The following AGBL4 variants were observed in gnomAD, a reference collection of about 807,000 sequenced individuals.
The protein encoded by AGBL4 is AGBL carboxypeptidase 4, also known as cytosolic carboxypeptidase 6.
In AGBL4, 58 loss-of-function variants were observed where a neutral mutation model predicts 66.4. The observed-to-expected ratio is 0.87, with a 90% CI of 0.71 to 1.09. AGBL4 has a LOEUF of 1.09. AGBL4 is among the 50% of genes least tolerant of loss of function. The probability of loss-of-function intolerance (pLI) is 0.00; values close to 1 mark genes in which losing one functional copy is unlikely to be tolerated. For synonymous variants in AGBL4, 234 were observed against 222.9 expected (o/e 1.05, Z -0.44); for missense variants, 579 against 631.0 (o/e 0.92, Z 0.88).
At chr1:49,125,815 C>G (rs1267013549) in intron 4 of AGBL4, among the ~76,000 whole-genome samples, 6 of 152,170 alleles carry the variant, frequency 3.9e-5, no homozygotes, top group Non-Finnish European at 8.8e-5. Flanking sequence ...CCAAATCTTT[C>G]TTCCAAGTTC....
intron 4 of AGBL4, among the ~76,000 whole-genome samples, chr1:49,057,143 G>A (rs895689929): frequency 1.3e-5 from 2 of 152,148 alleles, no homozygotes; most frequent in Admixed American, 1.3e-4. Context: ...GCTCATGCTT[G>A]TAAATCCAGC....
intron 6 of AGBL4, among the ~76,000 whole-genome samples, chr1:48,704,438 A>G (rs965940802): frequency 6.6e-6 from 1 of 152,172 alleles, no homozygotes; most frequent in Non-Finnish European, 1.5e-5. Context: ...TAAACTTTTA[A>G]TTTTTTTAAC....
chr1:49,168,914 G>A (rs1281012287), intron 4 of AGBL4, among the ~76,000 whole-genome samples: 1 of 152,168 alleles, frequency 6.6e-6, no homozygotes, highest in Non-Finnish European at 1.5e-5. Flanking sequence ...GGACCAGGTG[G>A]CACAACCTAA....
intron 3 of AGBL4, among the ~76,000 whole-genome samples, chr1:49,429,151 C>T (rs937234674): frequency 6.6e-6 from 1 of 152,098 alleles, no homozygotes; most frequent in Non-Finnish European, 1.5e-5. Context: ...TAGAAGAGAC[C>T]AAACTGTTCC....
intron 4 of AGBL4, among the ~76,000 whole-genome samples, chr1:49,068,877 T>C (rs531694761): frequency 2.2e-4 from 33 of 152,266 alleles, no homozygotes; most frequent in Middle Eastern, 6.8e-3. Context: ...TTTCTCTACA[T>C]CCTCTCCAGC....
intron 3 of AGBL4, among the ~76,000 whole-genome samples, chr1:49,336,798 G>C (rs1175976796): frequency 6.6e-6 from 1 of 152,070 alleles, no homozygotes; most frequent in Non-Finnish European, 1.5e-5. Flanking sequence ...TGTCTTATTT[G>C]AAAGTGTTTA....
At chr1:49,341,975 T>C (rs1645548464) in intron 3 of AGBL4, among the ~76,000 whole-genome samples, 1 of 152,156 alleles carries the variant, frequency 6.6e-6, no homozygotes, top group Admixed American at 6.5e-5. Context: ...GGGGGACAGA[T>C]TGAAATGGCT....
chr1:49,193,763 G>C (rs1456433639), intron 4 of AGBL4, among the ~76,000 whole-genome samples: 1 of 152,002 alleles, frequency 6.6e-6, no homozygotes, highest in Non-Finnish European at 1.5e-5. Flanking sequence ...TCAATCTCCT[G>C]ACCTCGTGAT....
chr1:49,791,086 G>C (rs576604901), intron 2 of AGBL4, among the ~76,000 whole-genome samples: 2 of 152,136 alleles, frequency 1.3e-5, no homozygotes, highest in Non-Finnish European at 2.9e-5. Flanking sequence ...GAAGTATCAA[G>C]TGTGAAATAG....
intron 3 of AGBL4, among the ~76,000 whole-genome samples, chr1:49,580,972 T>C (rs1208716425): frequency 6.6e-6 from 1 of 152,204 alleles, no homozygotes; most frequent in Non-Finnish European, 1.5e-5. Flanking sequence ...TTTTTGATTC[T>C]TCCCTATCCA....
intron 3 of AGBL4, among the ~76,000 whole-genome samples, chr1:49,357,013 T>C (rs925445593): frequency 6.6e-6 from 1 of 152,206 alleles, no homozygotes; most frequent in African/African-American, 2.4e-5. Context: ...GTAGAGACTT[T>C]CCCTGAGTAG....
At chr1:49,516,637 G>C (rs1300759577) in intron 3 of AGBL4, among the ~76,000 whole-genome samples, 5 of 152,020 alleles carry the variant, frequency 3.3e-5, no homozygotes, top group South Asian at 4.1e-4. Flanking sequence ...TTGCCATTAA[G>C]AGAAATAAAC....
At chr1:48,915,534 A>G (rs1036012186) in intron 5 of AGBL4, among the ~76,000 whole-genome samples, 3 of 152,174 alleles carry the variant, frequency 2.0e-5, no homozygotes, top group African/African-American at 4.8e-5. Context: ...GATATCACCA[A>G]TATGTGGCAT....
At chr1:48,586,882 T>C (rs762761212) in intron 11 of AGBL4, 122 bp downstream of exon 11, 14 of 1,310,062 alleles carry the variant, frequency 1.1e-5, no homozygotes, top group Non-Finnish European at 1.4e-5. Context: ...AAGAAGCACC[T>C]CCATCCTCAC....
At chr1:49,575,984 C>T (rs186125073) in intron 3 of AGBL4, among the ~76,000 whole-genome samples, 1 of 152,286 alleles carries the variant, frequency 6.6e-6, no homozygotes, top group Admixed American at 6.5e-5. Flanking sequence ...ACACACTGGA[C>T]TTATTGGTGA....
intron 3 of AGBL4, among the ~76,000 whole-genome samples, chr1:49,533,136 A>G (rs1024115213): frequency 6.6e-6 from 1 of 152,098 alleles, no homozygotes; most frequent in African/African-American, 2.4e-5. Flanking sequence ...TATTCCACCC[A>G]GTGCTTCACT....
intron 2 of AGBL4, among the ~76,000 whole-genome samples, chr1:49,818,521 T>C (rs1645287898): frequency 6.6e-6 from 1 of 152,042 alleles, no homozygotes; most frequent in South Asian, 2.1e-4. Context: ...CATGCCATGA[T>C]GCCTTGCAAT....
At chr1:49,525,396 T>C (rs1402270287) in intron 3 of AGBL4, among the ~76,000 whole-genome samples, 1 of 151,844 alleles carries the variant, frequency 6.6e-6, no homozygotes, top group Non-Finnish European at 1.5e-5. Context: ...GCCATGAGAA[T>C]AGAGGTAGGG....
In AGBL4 at chr1:48,570,546, G is replaced by GT. The variant is rs145636053; in HGVS notation, c.1267+16457dup. Among the ~76,000 whole-genome samples, 946 of 149,182 alleles carry GT rather than the reference G, an allele frequency of 6.3e-3. 17 individuals are homozygous for GT. The highest frequency in any genetic ancestry group is 0.046 in the South Asian group (215 of 4,680). ...AGGTAAGTTAATATCGTGGGTTAAC[G>GT]TTTTTTTTTTACTTGTAAGATATAG... is the stretch of plus-strand genomic sequence containing the variant. On this transcript the variant is annotated intron_variant, in intron 11 of 13. Transcript: ENST00000371839.
Sources: allele counts gnomAD v4.1 joint callset (sites outside exome capture counted in the v4.1 genomes callset), GRCh38; gene constraint gnomAD v4.1.1; transcripts MANE v1.5; gene names NCBI Gene and HGNC (gene_info 2026-07-23, HGNC 2026-07-21).